SLC44A5: variants seen among roughly 807,000 people sequenced by gnomAD.
SLC44A5 encodes the protein choline transporter-like protein 5.
Under a neutral mutation model 101.8 loss-of-function variants are expected in SLC44A5, and 57 were observed. The ratio of observed to expected loss-of-function variants is 0.56; its 90% CI spans 0.45 to 0.70. The LOEUF is 0.70. Among genes scored for constraint, SLC44A5 ranks in the 30% least tolerant of loss-of-function variants. The pLI is 0.00. For synonymous variants in SLC44A5, 281 were observed against 290.9 expected (o/e 0.97, Z 0.35); for missense variants, 737 against 853.1 (o/e 0.86, Z 1.70).
chr1:75,236,887 C>A, intron 11 of SLC44A5, 100 bp downstream of exon 11: 1 of 627,602 alleles, frequency 1.6e-6, no homozygotes. Flanking sequence ...CAGTACATTT[C>A]TTTTATTCAT....
Position 75,222,431 on chromosome 1 carries a change from C to A in SLC44A5, c.1015G>T (p.Val339Phe). The change falls in exon 14 of 24, where the codon GTC (valine) becomes TTC (phenylalanine). Residue 339 changes from valine (V) to phenylalanine (F), a missense_variant. Around this residue, in one of 3 missense-constraint regions of SLC44A5, gnomAD observed 665 missense variants for 764.4 expected, o/e 0.87. Coordinates refer to ENST00000370859, the MANE Select transcript of SLC44A5 (RefSeq NM_001130058.2). ...CTGAGGAAGATCAGCATGAGGATGA[C>A]AATCACTTCAATGATGCAGAGTATT... ...MIILCIIEVI[V>F]ILMLIFLRNR... 6.2e-7 allele frequency: 1 copy of A among 1,612,466 alleles called. No individual in the cohort carries two copies. Among genetic ancestry groups the A allele is most frequent in the South Asian group, 1.1e-5 (1 of 91,030 alleles).
chr1:75,685,882 A>G, the SLC44A5 span, among the ~76,000 whole-genome samples: 1 of 152,192 alleles, frequency 6.6e-6, no homozygotes, highest in Non-Finnish European at 1.5e-5. Flanking sequence ...TGGGTAATTT[A>G]TAAAGGAAAG....
At chr1:75,607,726 G>A (rs888625804) in intron 1 of SLC44A5, among the ~76,000 whole-genome samples, 2 of 151,916 alleles carry the variant, frequency 1.3e-5, no homozygotes, top group Admixed American at 6.6e-5. Flanking sequence ...ATAAAGGGGA[G>A]TTCCCCTGTA....
chr1:75,703,690 C>G, the SLC44A5 span, among the ~76,000 whole-genome samples: 7 of 151,648 alleles, frequency 4.6e-5, 1 homozygote, highest in South Asian at 4.2e-4. Context: ...TGAAAATGCA[C>G]TCCTCAGAGA....
chr1:75,396,644 A>G, intron 2 of SLC44A5, 23 bp from the exon 3 acceptor site: 1 of 1,604,428 alleles, frequency 6.2e-7, no homozygotes, highest in Non-Finnish European at 8.5e-7. Context: ...ACAAAAGGCA[A>G]AAAAAATATT....
At chr1:75,250,189 TC>T (rs1246489355) in intron 7 of SLC44A5, among the ~76,000 whole-genome samples, 1 of 152,104 alleles carries the variant, frequency 6.6e-6, no homozygotes, top group East Asian at 1.9e-4. Flanking sequence ...TGCCTGTTGT[TC>T]CCCTCTTTGT....
At chr1:75,659,048 A>G in the SLC44A5 span, among the ~76,000 whole-genome samples, 5 of 152,060 alleles carry the variant, frequency 3.3e-5, no homozygotes, top group Non-Finnish European at 7.4e-5. Context: ...ATCCCTGGAC[A>G]CAGACAACCT....
intron 2 of SLC44A5, among the ~76,000 whole-genome samples, chr1:75,424,345 AC>A (rs1664181806): frequency 6.6e-6 from 1 of 152,022 alleles, no homozygotes; most frequent in Non-Finnish European, 1.5e-5. Flanking sequence ...TCGCTCTGTC[AC>A]CCAGGCTGGA....
chr1:75,272,531 A>G (rs1356230981), intron 6 of SLC44A5, among the ~76,000 whole-genome samples: 2 of 151,814 alleles, frequency 1.3e-5, no homozygotes, highest in East Asian at 3.9e-4. Flanking sequence ...CAGGTCCTAG[A>G]TTTAAGTCTG....
the SLC44A5 span, among the ~76,000 whole-genome samples, chr1:75,686,152 G>C: frequency 6.6e-6 from 1 of 152,046 alleles, no homozygotes; most frequent in African/African-American, 2.4e-5. Flanking sequence ...GAGATTATGG[G>C]AACTACTATT....
At chr1:75,383,858 T>A (rs1291916527) in intron 3 of SLC44A5, among the ~76,000 whole-genome samples, 2 of 152,162 alleles carry the variant, frequency 1.3e-5, no homozygotes, top group Non-Finnish European at 2.9e-5. Flanking sequence ...AGCAGATCTC[T>A]CAGCAGAAAC....
chr1:75,418,601 A>T (rs1663809527), intron 2 of SLC44A5, among the ~76,000 whole-genome samples: 2 of 152,084 alleles, frequency 1.3e-5, no homozygotes, highest in South Asian at 4.1e-4. Context: ...GAATAAAAGG[A>T]TTTAGCCAGT....
chr1:75,363,128 A>C (rs1341930325), intron 3 of SLC44A5, among the ~76,000 whole-genome samples: 1 of 151,878 alleles, frequency 6.6e-6, no homozygotes, highest in Non-Finnish European at 1.5e-5. Context: ...CCCTGCTCTC[A>C]TTTGGTTTCC....
intron 4 of SLC44A5, among the ~76,000 whole-genome samples, chr1:75,302,126 T>TTTTTG (rs1463175515): frequency 3.5e-5 from 5 of 140,886 alleles, no homozygotes; most frequent in African/African-American, 1.3e-4. Flanking sequence ...TTTTTTTTTT[T>TTTTTG]TTTTTTTTTT....
At chr1:75,571,495 T>C (rs1021047392) in intron 1 of SLC44A5, among the ~76,000 whole-genome samples, 1 of 152,150 alleles carries the variant, frequency 6.6e-6, no homozygotes, top group African/African-American at 2.4e-5. Context: ...ATACATTCAG[T>C]AGAAATCATC....
intron 3 of SLC44A5, among the ~76,000 whole-genome samples, chr1:75,344,264 G>GAATTCCATTCCAAAGCAGCT (rs1553164261): frequency 6.6e-6 from 1 of 152,080 alleles, no homozygotes; most frequent in Admixed American, 6.6e-5. Flanking sequence ...AACTTTCAAA[G>GAATTCCATTCCAAAGCAGCT]AATTCCATTC....
At chr1:75,540,829 C>T (rs921446600) in intron 2 of SLC44A5, among the ~76,000 whole-genome samples, 2 of 151,826 alleles carry the variant, frequency 1.3e-5, no homozygotes, top group Admixed American at 6.6e-5. Context: ...AGACTAAGTC[C>T]GAAGAAGGTA....
chr1:75,516,607 A>G (rs1237863476), intron 2 of SLC44A5, among the ~76,000 whole-genome samples: 1 of 152,206 alleles, frequency 6.6e-6, no homozygotes, highest in Non-Finnish European at 1.5e-5. Context: ...ATTTATATTA[A>G]GGGAATAAAT....
At chr1:75,606,872 C>A (rs1353352772) in intron 1 of SLC44A5, among the ~76,000 whole-genome samples, 2 of 152,000 alleles carry the variant, frequency 1.3e-5, no homozygotes, top group African/African-American at 4.8e-5. Flanking sequence ...TCACCAGTTG[C>A]TCTTTCTCAA....
Sources: gnomAD v4.1 joint callset for allele counts (sites outside exome capture counted in the v4.1 genomes callset) on GRCh38, gnomAD v4.1.1 for gene constraint, gnomAD v4.1.1 regional missense constraint, MANE v1.5 for transcripts, NCBI Gene and HGNC (gene_info 2026-07-23, HGNC 2026-07-21) for gene names.